The following ROR1 variants were observed in gnomAD, a reference collection of about 807,000 sequenced individuals.
The protein encoded by ROR1 is ROR family WNT receptor 1.
In ROR1, 19 loss-of-function variants were observed where a neutral mutation model predicts 78.8. The observed-to-expected ratio is 0.24, with a 90% CI of 0.17 to 0.35. The LOEUF (loss-of-function observed/expected upper bound fraction) is 0.35, where lower values mean the gene tolerates loss of function less well. ROR1 is among the 10% of genes least tolerant of loss of function. ROR1 has a pLI of 1.00. For missense variants in ROR1, 917 were observed against 1,177.8 expected (o/e 0.78, Z 3.24); for synonymous variants, 386 against 433.6 (o/e 0.89, Z 1.36).
chr1:63,924,455 G>A (rs1645682633), intron 1 of ROR1, among the ~76,000 whole-genome samples: 1 of 151,934 alleles, frequency 6.6e-6, no homozygotes, highest in South Asian at 2.1e-4. Flanking sequence ...CCGAGGTTTG[G>A]GATCCAGTGG....
rs561553621 is a variant in ROR1, at chr1:63,779,520, A to C, written c.91+5012A>C. Among the ~76,000 whole-genome samples the C allele has an allele frequency of 1.4e-3, 215 of 152,088 alleles. 1 individual carries two copies. Among genetic ancestry groups the C allele is most frequent in the Non-Finnish European group, 2.5e-3 (170 of 67,960 alleles). ...AGTCTGAGAAAGTTCTCTGGAGTTG[A>C]AGGGGGAGGGGATGGGGGCAACTCT... On this transcript the variant is annotated intron_variant, in intron 1 of 8. Transcript: ENST00000371079.
intron 2 of ROR1, among the ~76,000 whole-genome samples, chr1:64,017,360 T>C (rs2100552606): frequency 6.6e-6 from 1 of 152,324 alleles, no homozygotes; most frequent in South Asian, 2.1e-4. Context: ...TCAGTTCCCT[T>C]TGACCAAGCA....
intron 1 of ROR1, among the ~76,000 whole-genome samples, chr1:63,997,151 G>T (rs1221475127): frequency 6.6e-6 from 1 of 152,168 alleles, no homozygotes; most frequent in East Asian, 1.9e-4. Flanking sequence ...AGGCTGAAAA[G>T]GGGTTTGTTT....
At position 63,873,046 on chromosome 1, in the gene ROR1, A is replaced by T. The variant is rs374970169; in HGVS notation, c.91+98538A>T. ...TTTTGGAGACAGTGTTCCAATAGAGAGGTATTCTGTCTTCTCTTTTCTTTT... is the reference window on the plus strand; with the variant it reads ...TTTTGGAGACAGTGTTCCAATAGAGTGGTATTCTGTCTTCTCTTTTCTTTT... On this transcript the variant is annotated intron_variant, in intron 1 of 8. Coordinates refer to ENST00000371079, the MANE Select transcript of ROR1 (RefSeq NM_005012.4). Among the ~76,000 whole-genome samples, 5 of 152,036 alleles carry T rather than the reference A, an allele frequency of 3.3e-5. No homozygotes were observed. The East Asian group carries it at 9.7e-4, about 29-fold the overall frequency.
chr1:63,960,288 C>T (rs985945610), intron 1 of ROR1, among the ~76,000 whole-genome samples: 1 of 152,138 alleles, frequency 6.6e-6, no homozygotes, highest in African/African-American at 2.4e-5. Flanking sequence ...GAGACCTTCC[C>T]ACAGCCGTGT....
intron 1 of ROR1, among the ~76,000 whole-genome samples, chr1:63,998,576 G>C (rs1646358051): frequency 1.3e-5 from 2 of 152,252 alleles, no homozygotes; most frequent in South Asian, 4.1e-4. Flanking sequence ...CCTGTACCTA[G>C]TACCATGTTG....
At chr1:63,908,448 A>G (rs1645544788) in intron 1 of ROR1, among the ~76,000 whole-genome samples, 1 of 152,310 alleles carries the variant, frequency 6.6e-6, no homozygotes, top group Middle Eastern at 3.4e-3. Flanking sequence ...CACAGGCAAA[A>G]TACAGATGTG....
intron 2 of ROR1, among the ~76,000 whole-genome samples, chr1:64,037,081 T>A (rs1377810342): frequency 6.6e-6 from 1 of 152,130 alleles, no homozygotes; most frequent in African/African-American, 2.4e-5. Context: ...AGGGATTGCC[T>A]CAAGTTTTTT....
chr1:64,120,445 T>G (rs544853389), intron 4 of ROR1, among the ~76,000 whole-genome samples: 24 of 152,264 alleles, frequency 1.6e-4, no homozygotes, highest in African/African-American at 5.1e-4. Flanking sequence ...AACCCAAAGA[T>G]CCAAAATATT....
At chr1:63,933,092 C>G (rs905912902) in intron 1 of ROR1, among the ~76,000 whole-genome samples, 1 of 152,130 alleles carries the variant, frequency 6.6e-6, no homozygotes, top group Non-Finnish European at 1.5e-5. Context: ...AGAACTGACC[C>G]TCTTTTTAAT....
intron 1 of ROR1, among the ~76,000 whole-genome samples, chr1:63,876,174 G>C (rs1645283502): frequency 6.6e-6 from 1 of 152,014 alleles, no homozygotes; most frequent in South Asian, 2.1e-4. Context: ...TCTTTGCCTT[G>C]TTTTGAATGT....
At chr1:64,136,814 T>G (rs771495627) in intron 4 of ROR1, among the ~76,000 whole-genome samples, 1 of 152,124 alleles carries the variant, frequency 6.6e-6, no homozygotes, top group Non-Finnish European at 1.5e-5. Flanking sequence ...CTCCAGACTA[T>G]GGTTTGCCCT....
chr1:64,083,836 G>T (rs1647126794), intron 4 of ROR1, among the ~76,000 whole-genome samples: 1 of 152,170 alleles, frequency 6.6e-6, no homozygotes, highest in Non-Finnish European at 1.5e-5. Context: ...ATAAGAGAAT[G>T]AGATGGGGAA....
At chr1:63,920,428 G>A (rs1051819044) in intron 1 of ROR1, among the ~76,000 whole-genome samples, 1 of 152,158 alleles carries the variant, frequency 6.6e-6, no homozygotes, top group Non-Finnish European at 1.5e-5. Flanking sequence ...AAAGAACAAG[G>A]CAAGAGGGTG....
At chr1:63,897,059 T>C (rs1007577598) in intron 1 of ROR1, among the ~76,000 whole-genome samples, 2 of 152,212 alleles carry the variant, frequency 1.3e-5, no homozygotes, top group African/African-American at 4.8e-5. Flanking sequence ...TCTGTAAAAT[T>C]TTCCTGGCTA....
chr1:63,895,993 G>A (rs2100395645), intron 1 of ROR1, among the ~76,000 whole-genome samples: 1 of 152,226 alleles, frequency 6.6e-6, no homozygotes, highest in Non-Finnish European at 1.5e-5. Context: ...CAGGTCGCTA[G>A]ATGGACTTGG....
intron 2 of ROR1, among the ~76,000 whole-genome samples, chr1:64,046,903 G>A (rs1352224397): frequency 6.6e-6 from 1 of 152,240 alleles, no homozygotes; most frequent in Non-Finnish European, 1.5e-5. Flanking sequence ...CAGTGATAAT[G>A]ACTTCTCCCT....
rs1023531478 is a variant in ROR1, at chr1:64,180,331, G to C, written c.*1476G>C. On this transcript the variant is annotated 3_prime_UTR_variant, in exon 9 of 9. Coordinates refer to ENST00000371079, the MANE Select transcript of ROR1 (RefSeq NM_005012.4). ...TCTCATTTTTACTTTAAAGGTATAA[G>C]AGACTTCTAAAGAGACTTACGGGAT... 8 of 152,250 alleles carry C rather than the reference G, an allele frequency of 5.3e-5. No individual in the cohort carries two copies. The highest frequency in any genetic ancestry group is 5.2e-4 in the Admixed American group (8 of 15,288). 9.4% of individuals were successfully genotyped at this position (152,250 alleles called of 1,614,324 possible).
At chr1:64,029,914 C>T (rs1646645910) in intron 2 of ROR1, among the ~76,000 whole-genome samples, 1 of 152,168 alleles carries the variant, frequency 6.6e-6, no homozygotes, top group South Asian at 2.1e-4. Context: ...CATAAGCTTT[C>T]TGTCTTTTAA....
Sources: gnomAD v4.1 joint callset for allele counts (sites outside exome capture counted in the v4.1 genomes callset) on GRCh38, gnomAD v4.1.1 for gene constraint, MANE v1.5 for transcripts, NCBI Gene and HGNC (gene_info 2026-07-23, HGNC 2026-07-21) for gene names.